TTC39B: variants seen among roughly 807,000 people sequenced by gnomAD.
TTC39B encodes tetratricopeptide repeat protein 39B.
TTC39B carries 92 observed loss-of-function variants against 96.6 expected under a neutral mutation model. The observed-to-expected ratio is 0.95, with a 90% confidence interval of 0.80 to 1.13. The LOEUF (loss-of-function observed/expected upper bound fraction) is 1.13, where lower values mean the gene tolerates loss of function less well. TTC39B is among the 50% of genes most tolerant of loss of function. The probability of loss-of-function intolerance (pLI) is 0.00; values close to 1 mark genes in which losing one functional copy is unlikely to be tolerated. For missense variants in TTC39B, 955 were observed against 809.3 expected, an observed-to-expected ratio of 1.18 and a Z score of -2.18; for synonymous variants, 367 against 299.4, an observed-to-expected ratio of 1.23 and a Z score of -2.33.
At chr9:15,237,700 A>T (rs1161953051) in intron 2 of TTC39B, among the ~76,000 whole-genome samples, 3 of 151,998 alleles carry the variant, frequency 2.0e-5, no homozygotes, top group Admixed American at 1.3e-4. Flanking sequence ...TTCACAGCCA[A>T]ATTTTACCAG....
exon 20 of TTC39B, chr9:15,164,101 T>C (rs1232294530): frequency 1.3e-5 from 2 of 152,316 alleles, no homozygotes; most frequent in Non-Finnish European, 2.9e-5. Flanking sequence ...CCAGATCCAA[T>C]GCCTCCTTGA....
intron 2 of TTC39B, among the ~76,000 whole-genome samples, chr9:15,261,889 G>A (rs1455609470): frequency 6.6e-6 from 1 of 152,048 alleles, no homozygotes; most frequent in Non-Finnish European, 1.5e-5. Context: ...CTGAGAAAAG[G>A]GACACTCCGT....
chr9:15,284,932 G>C (rs925261295), intron 1 of TTC39B, among the ~76,000 whole-genome samples: 1 of 152,136 alleles, frequency 6.6e-6, no homozygotes, highest in Non-Finnish European at 1.5e-5. Context: ...AGCCAATTAA[G>C]GTAAGACAAC....
At chr9:15,234,504 T>G (rs187503195) in intron 2 of TTC39B, among the ~76,000 whole-genome samples, 37 of 128,548 alleles carry the variant, frequency 2.9e-4, no homozygotes, top group Admixed American at 2.8e-3. Flanking sequence ...CCCCTCTGCC[T>G]GGCCACCACC....
intron 1 of TTC39B, among the ~76,000 whole-genome samples, chr9:15,305,863 C>T (rs924999602): frequency 1.3e-5 from 2 of 151,934 alleles, no homozygotes; most frequent in African/African-American, 4.8e-5. Context: ...AGCAAATCTC[C>T]TACAAACAGA....
At chr9:15,198,063 A>G (rs1657693483) in intron 8 of TTC39B, among the ~76,000 whole-genome samples, 1 of 152,220 alleles carries the variant, frequency 6.6e-6, no homozygotes. Context: ...TGGTAAGAAT[A>G]TGGGTAAAGA....
chr9:15,182,248 C>G, intron 17 of TTC39B, 59 bp downstream of exon 17: 1 of 1,083,106 alleles, frequency 9.2e-7, no homozygotes, highest in East Asian at 2.5e-5. Flanking sequence ...AGGGAAAAGA[C>G]AGGAGAGCAG....
At chr9:15,185,771 G>A (rs776784127) in intron 15 of TTC39B, among the ~76,000 whole-genome samples, 1 of 152,226 alleles carries the variant, frequency 6.6e-6, no homozygotes, top group African/African-American at 2.4e-5. Flanking sequence ...AAGCAGGAAA[G>A]AGTCCAAAGT....
In TTC39B at chr9:15,199,861, T is replaced by TTA. The variant is rs1564338085; in HGVS notation, c.822_823dup (p.Lys275IlefsTer37). The TTA allele has an allele frequency of 6.6e-7, 1 of 1,506,338 alleles. No individual in the cohort carries two copies. Among genetic ancestry groups the TTA allele is most frequent in the Admixed American group, 1.8e-5 (1 of 56,224 alleles). The allele number at this position is 1,506,338 out of a possible 1,614,324, so 93.3% of individuals were successfully genotyped here. A position where few individuals can be genotyped will look rare whatever the true frequency, so the allele number is the denominator to read the frequency against. ...AACCACATCTTACTTTTTAACTTACTTATATATTTGGTAACTTGTTCTAAT... is the reference window on the plus strand; with the variant it reads ...AACCACATCTTACTTTTTAACTTACTTATATATATTTGGTAACTTGTTCTAAT... On this transcript the variant is annotated frameshift_variant and splice_region_variant, in exon 8 of 20. Coordinates refer to ENST00000512701, the Ensembl canonical transcript of TTC39B. LOFTEE classifies it high-confidence loss of function.
At chr9:15,200,008 A>C in intron 7 of TTC39B, 83 bp from the exon 8 acceptor site, 1 of 675,478 alleles carries the variant, frequency 1.5e-6, no homozygotes, top group East Asian at 3.2e-5. Context: ...GTGTGATTAG[A>C]AAAACAAAAA....
chr9:15,285,080 T>G (rs923369247), intron 1 of TTC39B, among the ~76,000 whole-genome samples: 3 of 151,880 alleles, frequency 2.0e-5, no homozygotes, highest in Non-Finnish European at 4.4e-5. Flanking sequence ...GCTAACACGG[T>G]GAAACCCCGT....
intron 2 of TTC39B, among the ~76,000 whole-genome samples, chr9:15,229,490 A>G (rs1157962333): frequency 6.6e-6 from 1 of 152,212 alleles, no homozygotes; most frequent in East Asian, 1.9e-4. Flanking sequence ...GTGTGGTAAG[A>G]TTATGGTTTT....
exon 20 of TTC39B, chr9:15,167,019 TATA>T (rs1817539774): frequency 1.1e-3 from 11 of 9,968 alleles, no homozygotes; most frequent in African/African-American, 3.9e-3. Flanking sequence ...TATATATATA[TATA>T]TATATATTTT....
At chr9:15,201,354 G>A (rs531051633) in intron 7 of TTC39B, among the ~76,000 whole-genome samples, 1 of 151,984 alleles carries the variant, frequency 6.6e-6, no homozygotes, top group East Asian at 1.9e-4. Context: ...AAAAACAGAT[G>A]AAAGTAATAC....
intron 2 of TTC39B, among the ~76,000 whole-genome samples, chr9:15,253,908 C>T (rs961289387): frequency 1.3e-5 from 2 of 152,074 alleles, no homozygotes; most frequent in Admixed American, 6.6e-5. Flanking sequence ...TCCTTTATTA[C>T]TAAGAACCAT....
rs576620269 is a variant in TTC39B at position 15,188,523 on chromosome 9, T to A, written c.1234-391A>T. Among the ~76,000 whole-genome samples, 320 of 152,310 alleles carry A rather than the reference T, an allele frequency of 2.1e-3. 1 individual carries two copies. Among genetic ancestry groups the A allele is most frequent in the African/African-American group, 7.2e-3 (298 of 41,552 alleles). On this transcript the variant is annotated intron_variant, in intron 13 of 19. Transcript: ENST00000512701. ...AACTGGCAAAAGGTTAACTCTTTTA[T>A]CATTCATCAATTTAATAAAATTCTG...
chr9:15,307,051 G>C (rs761375387), intron 1 of TTC39B, 33 bp downstream of exon 1: 3 of 1,603,976 alleles, frequency 1.9e-6, no homozygotes, highest in African/African-American at 2.7e-5. Context: ...CAGGGCTTCA[G>C]GGGCCGGGCC....
chr9:15,201,221 A>G (rs624443), intron 7 of TTC39B, among the ~76,000 whole-genome samples: 26,831 of 151,774 alleles, frequency 0.18, 2,543 homozygotes, highest in African/African-American at 0.22. Context: ...TCCAATACCA[A>G]CCAGAAAAGA....
At chr9:15,293,565 GA>G (rs1342464279) in intron 1 of TTC39B, among the ~76,000 whole-genome samples, 1 of 150,358 alleles carries the variant, frequency 6.7e-6, no homozygotes, top group Admixed American at 6.6e-5. Context: ...AGGACCTACT[GA>G]GCAAGAATCG....
Sources: allele counts gnomAD v4.1 joint callset (sites outside exome capture counted in the v4.1 genomes callset), GRCh38; gene constraint gnomAD v4.1.1; transcripts MANE v1.5; gene names NCBI Gene and HGNC (gene_info 2026-07-23, HGNC 2026-07-21).